Variants in DRAP1 observed in about 807,000 individuals in gnomAD.
DRAP1 encodes the protein DR1 associated protein 1, also known as dr1-associated corepressor.
Under a neutral mutation model 24.1 loss-of-function variants are expected in DRAP1, and 10 were observed. The observed-to-expected ratio is 0.41, with a 90% CI of 0.26 to 0.70. The LOEUF (loss-of-function observed/expected upper bound fraction) is 0.70. Ranked by LOEUF, DRAP1 falls within the 30% of genes least tolerant of loss-of-function variation. DRAP1 has a pLI of 0.29. For missense variants in DRAP1, 264 were observed against 275.6 expected, an observed-to-expected ratio of 0.96 and a Z score of 0.30; for synonymous variants, 122 against 113.8, an observed-to-expected ratio of 1.07 and a Z score of -0.46.
At position 65,920,371 on chromosome 11, in the gene DRAP1, T is replaced by G; in HGVS notation, c.238T>G (p.Phe80Val). The G allele has an allele frequency of 6.2e-7, 1 of 1,614,012 alleles. No individual in the cohort carries two copies. ...LKQCIELEQQ[F>V]DFLKDLVASV... The stretch of plus-strand genomic sequence containing the variant: ...GCAGTGCATCGAGCTGGAGCAGCAG[T>G]TTGACTTCTTGAAGGACCTGGTGGC... Residue 80 changes from phenylalanine (F) to valine (V), a missense_variant, in exon 4 of 7, where the codon TTT (phenylalanine) becomes GTT (valine). Coordinates refer to ENST00000312515, the MANE Select transcript of DRAP1 (RefSeq NM_006442.4).
At chr11:65,921,289 T>C in intron 6 of DRAP1, 41 bp from the exon 7 acceptor site, 1 of 1,226,356 alleles carries the variant, frequency 8.2e-7, no homozygotes, top group Non-Finnish European at 1.2e-6. Context: ...GAGGGCACGG[T>C]GGGGCTCAGG....
chr11:65,920,343 GA>G lies in DRAP1; in HGVS notation c.212del (p.Lys71SerfsTer13). Reference sequence around the variant, plus strand: ...GCCAGCCCCTCCTCACCTCTTCCAGGAAGCAGTGCATCGAGCTGGAGCAGCA... The same window carrying G: ...GCCAGCCCCTCCTCACCTCTTCCAGGAGCAGTGCATCGAGCTGGAGCAGCA... ...NAKTMTTSHL[K>X]QCIELEQQFD... On this transcript the variant is annotated frameshift_variant and splice_region_variant, in exon 4 of 7. Transcript: ENST00000312515. LOFTEE classifies it high-confidence loss of function. The G allele has an allele frequency of 6.2e-7, 1 of 1,614,058 alleles. No homozygotes were observed. The highest frequency in any genetic ancestry group is 8.5e-7 in the Non-Finnish European group (1 of 1,180,022).
Position 65,919,929 on chromosome 11 carries a change from TCTC to T in DRAP1, c.116-16_116-14del, listed in dbSNP as rs1220992110. On this transcript the variant is annotated splice_polypyrimidine_tract_variant and intron_variant, in intron 2 of 6. Transcript: ENST00000312515. ...GGGTCGCCCTCTCCTGCCCCGGAGT[TCTC>T]CTTGACGCTCCTCAGCCCGGGCGCT... 3.1e-6 allele frequency: 5 copies of T among 1,613,618 alleles called. No homozygotes were observed. The highest frequency in any genetic ancestry group is 4.2e-6 in the Non-Finnish European group (5 of 1,179,902).
rs914445371 is a variant in DRAP1 at position 65,919,439 on chromosome 11, G to T, written c.-63G>T. 6 of 1,500,994 alleles carry T rather than the reference G, an allele frequency of 4.0e-6. No homozygotes were observed. The highest frequency in any genetic ancestry group is 5.3e-6 in the Non-Finnish European group (6 of 1,126,058). The allele number at this position is 1,500,994 out of a possible 1,614,324, so 93.0% of individuals were successfully genotyped here. On this transcript the variant is annotated 5_prime_UTR_variant, in exon 1 of 7. Transcript: ENST00000312515. ...ACCGCGACGGGCGGGCGGCGAGCAG[G>T]CCCGGGAGCCGGGAGGCTGCGGGCG...
intron 3 of DRAP1, 68 bp downstream of exon 3, chr11:65,920,109 G>T (rs924041902): frequency 6.4e-7 from 1 of 1,564,706 alleles, no homozygotes. Context: ...GAGGAAGGCA[G>T]AGCCTGGGTG....
At chr11:65,919,579 G>A in intron 1 of DRAP1, 36 bp downstream of exon 1, 1 of 1,548,050 alleles carries the variant, frequency 6.5e-7, no homozygotes, top group Non-Finnish European at 8.7e-7. Flanking sequence ...GAGTGGGCCC[G>A]GCTCCCGGGT....
At chr11:65,919,879 G>C (rs770439184) in intron 2 of DRAP1, 27 bp downstream of exon 2, 3 of 1,613,350 alleles carry the variant, frequency 1.9e-6, no homozygotes, top group Admixed American at 3.3e-5. Flanking sequence ...GGACCGGGTC[G>C]AGGGGCGTGG....
At chr11:65,919,598 C>A (rs1026999025) in intron 1 of DRAP1, 55 bp downstream of exon 1, 1 of 1,546,634 alleles carries the variant, frequency 6.5e-7, no homozygotes, top group Non-Finnish European at 8.7e-7. Context: ...GTGGCTTGGG[C>A]CCAGTTCCCG....
Position 65,921,087 on chromosome 11 carries a change from G to A in DRAP1, c.512+115G>A, listed in dbSNP as rs1023672639. The A allele has an allele frequency of 6.1e-6, 5 of 813,402 alleles. No individual in the cohort carries two copies. In the Admixed American group the frequency reaches 1.2e-4, roughly 19 times the overall value. 50.4% of individuals were successfully genotyped at this position (813,402 alleles called of 1,614,324 possible). A position where few individuals can be genotyped will look rare whatever the true frequency, so the allele number is the denominator to read the frequency against. ...ATTGTGGCAGATTTGTGGGGTGGAA[G>A]GAGAATAACTGAGGAGGGCTTGAAG... is the stretch of plus-strand genomic sequence containing the variant. On this transcript the variant is annotated intron_variant, in intron 6 of 6. Transcript: ENST00000312515.
Position 65,919,768 on chromosome 11 carries a change from C to T in DRAP1, c.43-12C>T. On this transcript the variant is annotated splice_polypyrimidine_tract_variant and intron_variant, in intron 1 of 6. Coordinates refer to ENST00000312515, the MANE Select transcript of DRAP1 (RefSeq NM_006442.4). Reference sequence around the variant, plus strand: ...TGGCGACGGGGTCTGAACTCTGCTCCCCCACCCGCAGGCGCGGATCAAGAA... The same window carrying T: ...TGGCGACGGGGTCTGAACTCTGCTCTCCCACCCGCAGGCGCGGATCAAGAA... 1.2e-6 allele frequency: 2 copies of T among 1,612,954 alleles called. No individual in the cohort carries two copies. Among genetic ancestry groups the T allele is most frequent in the East Asian group, 4.5e-5 (2 of 44,882 alleles).
chr11:65,920,129 G>T, intron 3 of DRAP1, 88 bp downstream of exon 3: 1 of 1,521,706 alleles, frequency 6.6e-7, no homozygotes, highest in African/African-American at 1.4e-5. Flanking sequence ...GGCGAGGGAG[G>T]TGGGCGGCAG....
chr11:65,921,246 G>C (rs1854546565), intron 6 of DRAP1, 84 bp from the exon 7 acceptor site: 2 of 862,614 alleles, frequency 2.3e-6, no homozygotes, highest in Non-Finnish European at 3.7e-6. Flanking sequence ...AGGGTCAGAT[G>C]GGGGAGGGAG....
At chr11:65,920,245 G>C in intron 3 of DRAP1, 98 bp from the exon 4 acceptor site, 2 of 1,569,620 alleles carry the variant, frequency 1.3e-6, no homozygotes, top group Non-Finnish European at 8.7e-7. Flanking sequence ...AGATCGGCCC[G>C]GGCTCCAGCC....
intron 5 of DRAP1, 71 bp downstream of exon 5, chr11:65,920,733 G>T: frequency 6.9e-7 from 1 of 1,451,548 alleles, no homozygotes; most frequent in East Asian, 2.5e-5. Flanking sequence ...GGCTGAACTG[G>T]CAGGAGGCCA....
Position 65,920,955 on chromosome 11 carries a change from C to G in DRAP1, c.495C>G (p.Pro165=), listed in dbSNP as rs765216153. ...AACCCCCACCCCAGGCCAGCCACCC[C>G]TCTGCCCACTTTCAGAGGTGAGCAG... The part of the protein sequence containing the change: ...TSQPPPQASH[P]SAHFQSPPTP... The change falls in exon 6 of 7, where the codon CCC becomes CCG. Residue 165 remains proline, a synonymous_variant. Coordinates refer to ENST00000312515, the MANE Select transcript of DRAP1 (RefSeq NM_006442.4). 1.2e-6 allele frequency: 2 copies of G among 1,611,392 alleles called. No individual in the cohort carries two copies. Among genetic ancestry groups the G allele is most frequent in the East Asian group, 4.5e-5 (2 of 44,882 alleles).
chr11:65,919,647 ACGCCC>A, intron 1 of DRAP1, 104 bp downstream of exon 1: 1 of 1,523,984 alleles, frequency 6.6e-7, no homozygotes, highest in Non-Finnish European at 8.8e-7. Context: ...GGGGGCCTGG[ACGCCC>A]CGCCCCCTCC....
chr11:65,921,299 G>A (rs376151355), intron 6 of DRAP1, 31 bp from the exon 7 acceptor site: 363 of 1,346,614 alleles, frequency 2.7e-4, no homozygotes, highest in Non-Finnish European at 3.5e-4. Flanking sequence ...TGGGGCTCAG[G>A]CCTGACTCTC....
Position 65,920,445 on chromosome 11 carries a change from G to A in DRAP1, c.312G>A (p.Gly104=), listed in dbSNP as rs376250261. ...QGDGEDNHMD[G]DKGARRGRKP... is the part of the protein sequence containing the mutation. ...ACGGGGAAGACAACCACATGGATGG[G>A]GACAAGGGCGCCCGCAGGTGGGGCC... is the stretch of plus-strand genomic sequence containing the variant. Residue 104 remains glycine (G), a synonymous_variant, in exon 4 of 7, where the codon GGG becomes GGA. Coordinates refer to ENST00000312515, the MANE Select transcript of DRAP1 (RefSeq NM_006442.4). 2.6e-5 allele frequency: 42 copies of A among 1,614,016 alleles called. No homozygotes were observed. The highest frequency in any genetic ancestry group is 3.3e-5 in the Non-Finnish European group (39 of 1,180,038).
intron 3 of DRAP1, 123 bp from the exon 4 acceptor site, chr11:65,920,220 C>A: frequency 6.7e-7 from 1 of 1,503,570 alleles, no homozygotes; most frequent in Non-Finnish European, 9.0e-7. Flanking sequence ...TAAAGCAGGG[C>A]AGGCCCGGGA....
Sources: gnomAD v4.1 joint callset for allele counts on GRCh38, gnomAD v4.1.1 for gene constraint, MANE v1.5 for transcripts, NCBI Gene and HGNC (gene_info 2026-07-23, HGNC 2026-07-21) for gene names.